The following SHANK2 variants were observed in gnomAD, a reference collection of about 807,000 sequenced individuals.
SHANK2 encodes SH3 and multiple ankyrin repeat domains 2, also known as SH3 and multiple ankyrin repeat domains protein 2.
A neutral mutation model predicts 133.7 loss-of-function variants in SHANK2; 43 were observed. The ratio of observed to expected loss-of-function variants is 0.32; its 90% CI spans 0.25 to 0.41. SHANK2 has a LOEUF of 0.41. Ranked by LOEUF, SHANK2 falls within the 10% of genes least tolerant of loss-of-function variation. The pLI, the probability that SHANK2 is intolerant of heterozygous loss-of-function variation, is 1.00. For synonymous variants in SHANK2, 1,017 were observed against 952.8 expected (o/e 1.07, Z -1.24); for missense variants, 1,994 against 2,235.8 (o/e 0.89, Z 2.18).
chr11:70,493,718 C>T (rs2058930182), intron 21 of SHANK2, among the ~76,000 whole-genome samples: 1 of 152,130 alleles, frequency 6.6e-6, no homozygotes, highest in Admixed American at 6.5e-5. Context: ...GGTGGGTGTA[C>T]CCCATTCTGA....
At position 70,502,971 on chromosome 11, in the gene SHANK2, C is replaced by T. The variant is rs557132319; in HGVS notation, c.2062-40G>A. 44 of 1,612,284 alleles carry T rather than the reference C, an allele frequency of 2.7e-5. 1 individual carries two copies. The South Asian group carries it at 3.6e-4, about 13-fold the overall frequency. ...AGAGGATGGCATCAGTGAGAGCCAG[C>T]GGAGAGGAAGACAGTTGGCACCCAC... On this transcript the variant is annotated intron_variant, in intron 17 of 25. Coordinates refer to ENST00000601538, the MANE Select transcript of SHANK2 (RefSeq NM_012309.5).
chr11:71,218,151 T>C (rs1565521866), intron 2 of SHANK2, among the ~76,000 whole-genome samples: 1 of 151,962 alleles, frequency 6.6e-6, no homozygotes, highest in Admixed American at 6.6e-5. Context: ...TGAGCCACCA[T>C]GCCCGGCCAA....
chr11:70,617,826 C>A (rs906845889), intron 17 of SHANK2, among the ~76,000 whole-genome samples: 3 of 151,756 alleles, frequency 2.0e-5, no homozygotes, highest in African/African-American at 7.3e-5. Context: ...CATCACACAC[C>A]GGGGCCTGTT....
Position 70,740,419 on chromosome 11 carries a change from T to C in SHANK2, c.1778-41656A>G, listed in dbSNP as rs190420166. The stretch of plus-strand genomic sequence containing the variant: ...ACCTCTGCTCTGTGTCTCTGTGGCC[T>C]GAGATTCCCCTAGGCTGGGACCACC... On this transcript the variant is annotated intron_variant, in intron 14 of 25. Coordinates refer to ENST00000601538, the MANE Select transcript of SHANK2 (RefSeq NM_012309.5). Among the ~76,000 whole-genome samples, 315 of 152,274 alleles carry C rather than the reference T, an allele frequency of 2.1e-3. 2 individuals are homozygous for C. Among genetic ancestry groups the C allele is most frequent in the Middle Eastern group, 3.4e-3 (1 of 294 alleles).
intron 2 of SHANK2, among the ~76,000 whole-genome samples, chr11:71,177,085 A>T (rs762646587): frequency 8.5e-5 from 13 of 152,228 alleles, no homozygotes; most frequent in Non-Finnish European, 8.8e-5. Flanking sequence ...AAAAAGTCAA[A>T]CTAGAATTCT....
intron 17 of SHANK2, among the ~76,000 whole-genome samples, chr11:70,583,880 A>G (rs1182651636): frequency 1.3e-5 from 2 of 152,142 alleles, no homozygotes; most frequent in Non-Finnish European, 2.9e-5. Context: ...AGTGGCCCAC[A>G]GGTTCCCACG....
At chr11:70,723,936 C>T (rs1278905282) in intron 14 of SHANK2, among the ~76,000 whole-genome samples, 1 of 151,988 alleles carries the variant, frequency 6.6e-6, no homozygotes, top group Non-Finnish European at 1.5e-5. Context: ...AAGAGCAGTT[C>T]CTTTTCACAG....
At chr11:70,733,821 T>C (rs1428718723) in intron 14 of SHANK2, among the ~76,000 whole-genome samples, 1 of 152,032 alleles carries the variant, frequency 6.6e-6, no homozygotes, top group African/African-American at 2.4e-5. Flanking sequence ...TCAGCTCCCA[T>C]GAGGTGTCTG....
intron 17 of SHANK2, among the ~76,000 whole-genome samples, chr11:70,536,339 G>T (rs1297310953): frequency 1.3e-5 from 2 of 152,206 alleles, no homozygotes; most frequent in Non-Finnish European, 2.9e-5. Context: ...GATGAGGCTT[G>T]GTCTAAAATA....
chr11:71,143,101 G>A (rs61633011), intron 3 of SHANK2, among the ~76,000 whole-genome samples: 1,804 of 152,270 alleles, frequency 0.012, 36 homozygotes, highest in African/African-American at 0.041. Flanking sequence ...CGGGCATGGC[G>A]GCAGGCGCCT....
intron 10 of SHANK2, among the ~76,000 whole-genome samples, chr11:70,920,817 T>G (rs1344514491): frequency 6.6e-6 from 1 of 152,146 alleles, no homozygotes; most frequent in Non-Finnish European, 1.5e-5. Context: ...AAAGTTAAAG[T>G]TTTTAGCATA....
At chr11:71,165,959 T>C (rs1276292643) in intron 2 of SHANK2, among the ~76,000 whole-genome samples, 3 of 152,070 alleles carry the variant, frequency 2.0e-5, no homozygotes, top group Admixed American at 2.0e-4. Flanking sequence ...TGAGCGTGAG[T>C]GGAGGACAAC....
At chr11:70,934,722 G>A (rs1246733100) in intron 10 of SHANK2, among the ~76,000 whole-genome samples, 1 of 152,210 alleles carries the variant, frequency 6.6e-6, no homozygotes, top group Non-Finnish European at 1.5e-5. Flanking sequence ...TTATGATATA[G>A]AAGAGGCGAA....
At chr11:70,727,314 T>C (rs903077654) in intron 14 of SHANK2, among the ~76,000 whole-genome samples, 1 of 152,180 alleles carries the variant, frequency 6.6e-6, no homozygotes, top group African/African-American at 2.4e-5. Context: ...GAAGACAAAA[T>C]GTGGGAGGTT....
intron 8 of SHANK2, among the ~76,000 whole-genome samples, chr11:71,076,406 G>T (rs1951220277): frequency 6.6e-6 from 1 of 151,214 alleles, no homozygotes; most frequent in African/African-American, 2.4e-5. Context: ...GGGTCCACGA[G>T]AAAGAGCTAC....
intron 2 of SHANK2, among the ~76,000 whole-genome samples, chr11:71,189,935 G>GA (rs1396886272): frequency 6.6e-6 from 1 of 152,350 alleles, no homozygotes; most frequent in Middle Eastern, 3.4e-3. Context: ...AGGACAAGAC[G>GA]GGCACAGTAA....
rs931848929 is a variant in SHANK2, at chr11:71,076,546, C to A, written c.913-1271G>T. The stretch of plus-strand genomic sequence containing the variant: ...AAAAAACGAAAAACAAAAAAAAAAA[C>A]CACACACACACACGAGAAATTTCCA... On this transcript the variant is annotated intron_variant, in intron 8 of 25. Transcript: ENST00000601538. Among the ~76,000 whole-genome samples, 30 of 149,628 alleles carry A rather than the reference C, an allele frequency of 2.0e-4. No individual in the cohort carries two copies. The East Asian group carries it at 3.0e-3, about 15-fold the overall frequency.
chr11:70,823,419 C>CATG (rs1332678170), intron 11 of SHANK2, among the ~76,000 whole-genome samples: 1 of 122,804 alleles, frequency 8.1e-6, no homozygotes, highest in Non-Finnish European at 1.7e-5. Context: ...TGGCAGAACT[C>CATG]GGGGGACAGA....
chr11:70,630,776 C>T (rs1469346926), intron 17 of SHANK2, among the ~76,000 whole-genome samples: 5 of 152,188 alleles, frequency 3.3e-5, no homozygotes, highest in Non-Finnish European at 5.9e-5. Context: ...CTGCCGACAC[C>T]TTGACATTGG....
Sources: allele counts gnomAD v4.1 joint callset (sites outside exome capture counted in the v4.1 genomes callset), GRCh38; gene constraint gnomAD v4.1.1; transcripts MANE v1.5; gene names NCBI Gene and HGNC (gene_info 2026-07-23, HGNC 2026-07-21).